Variants in PRKCA observed in about 807,000 individuals in gnomAD.
PRKCA encodes protein kinase C alpha type.
PRKCA carries 27 observed loss-of-function variants against 87.0 expected under a neutral mutation model. The ratio of observed to expected loss-of-function variants is 0.31; its 90% CI spans 0.23 to 0.43. The LOEUF is 0.43. Among genes scored for constraint, PRKCA ranks in the 20% least tolerant of loss-of-function variants. The pLI, the probability that PRKCA is intolerant of heterozygous loss-of-function variation, is 1.00. For synonymous variants in PRKCA, 329 were observed against 311.1 expected, an observed-to-expected ratio of 1.06 and a Z score of -0.61; for missense variants, 518 against 852.3, an observed-to-expected ratio of 0.61 and a Z score of 4.88.
chr17:66,414,669 C>G (rs1567816978), intron 2 of PRKCA, among the ~76,000 whole-genome samples: 1 of 152,006 alleles, frequency 6.6e-6, no homozygotes, highest in Non-Finnish European at 1.5e-5. Flanking sequence ...CCTTTTAGGA[C>G]TTTTGCTACT....
intron 2 of PRKCA, among the ~76,000 whole-genome samples, chr17:66,361,581 G>C (rs769363126): frequency 6.6e-6 from 1 of 152,122 alleles, no homozygotes; most frequent in Non-Finnish European, 1.5e-5. Context: ...AAAATGCTAG[G>C]ATTATAGGTG....
intron 8 of PRKCA, among the ~76,000 whole-genome samples, chr17:66,700,646 A>G (rs948180518): frequency 6.6e-6 from 1 of 152,238 alleles, no homozygotes; most frequent in African/African-American, 2.4e-5. Flanking sequence ...GTGTTTCTCT[A>G]TGCTAACAAT....
At chr17:66,632,020 T>C (rs930264936) in intron 3 of PRKCA, among the ~76,000 whole-genome samples, 2 of 152,162 alleles carry the variant, frequency 1.3e-5, no homozygotes, top group African/African-American at 2.4e-5. Context: ...AGTGCCTTCA[T>C]ATAGACACCT....
intron 2 of PRKCA, among the ~76,000 whole-genome samples, chr17:66,476,961 G>A (rs1368863657): frequency 6.6e-6 from 1 of 152,152 alleles, no homozygotes; most frequent in East Asian, 1.9e-4. Flanking sequence ...CTGCAAGGCT[G>A]GTGATGCTAA....
At chr17:66,706,707 G>C (rs1692735809) in intron 8 of PRKCA, among the ~76,000 whole-genome samples, 1 of 151,848 alleles carries the variant, frequency 6.6e-6, no homozygotes, top group Non-Finnish European at 1.5e-5. Context: ...TGCGAGACAT[G>C]AAAATTTGGT....
intron 2 of PRKCA, among the ~76,000 whole-genome samples, chr17:66,311,281 C>T (rs1054749363): frequency 1.9e-4 from 29 of 152,030 alleles, no homozygotes; most frequent in Admixed American, 1.9e-3. Flanking sequence ...GTCAGTAATG[C>T]CTGAATTACA....
chr17:66,787,548 C>T (rs1975431251), intron 15 of PRKCA, among the ~76,000 whole-genome samples: 1 of 152,208 alleles, frequency 6.6e-6, no homozygotes, highest in Non-Finnish European at 1.5e-5. Flanking sequence ...TTCTTTGCTA[C>T]ACTTTTCTTG....
chr17:66,738,396 A>T (rs1315754494), intron 10 of PRKCA, among the ~76,000 whole-genome samples: 1 of 152,230 alleles, frequency 6.6e-6, no homozygotes, highest in Non-Finnish European at 1.5e-5. Flanking sequence ...CACTAGTTAA[A>T]ATGAAATAAT....
At chr17:66,793,233 G>A (rs1451420906) in intron 16 of PRKCA, among the ~76,000 whole-genome samples, 6 of 152,096 alleles carry the variant, frequency 3.9e-5, no homozygotes, top group Admixed American at 6.5e-5. Context: ...AGTGAGGACC[G>A]TCAGCTCAGT....
At position 66,781,883 on chromosome 17, in the gene PRKCA, ATATAGT is replaced by A. The variant is rs1416502247; in HGVS notation, c.1606-4983_1606-4978del. ...GAGAGAGAGAGATATATATATATAT[ATATAGT>A]GTGTGTGTGTGTGTGTGTGTGTGTG... On this transcript the variant is annotated intron_variant, in intron 14 of 16. Coordinates refer to ENST00000413366, the MANE Select transcript of PRKCA (RefSeq NM_002737.3). Among the ~76,000 whole-genome samples the A allele has an allele frequency of 5.4e-3, 704 of 129,342 alleles. 4 individuals are homozygous for A. Among genetic ancestry groups the A allele is most frequent in the African/African-American group, 0.022 (657 of 30,450 alleles). 84.9% of individuals were successfully genotyped at this position (129,342 alleles called of 152,430 possible).
At chr17:66,729,644 C>T (rs1458528905) in intron 8 of PRKCA, among the ~76,000 whole-genome samples, 1 of 152,194 alleles carries the variant, frequency 6.6e-6, no homozygotes, top group Non-Finnish European at 1.5e-5. Flanking sequence ...CCGTGTTTCA[C>T]ACTTTCAGTC....
intron 5 of PRKCA, among the ~76,000 whole-genome samples, chr17:66,671,434 A>G (rs1027774431): frequency 2.6e-5 from 4 of 152,070 alleles, no homozygotes; most frequent in Admixed American, 2.6e-4. Context: ...TTCCTCGTCT[A>G]TAAAATGTGG....
At chr17:66,334,856 G>A (rs1453365609) in intron 2 of PRKCA, among the ~76,000 whole-genome samples, 2 of 152,166 alleles carry the variant, frequency 1.3e-5, no homozygotes, top group African/African-American at 4.8e-5. Context: ...GCAACCCTGT[G>A]TTTGTCAGTG....
chr17:66,696,115 C>T (rs1972914666), intron 8 of PRKCA, among the ~76,000 whole-genome samples: 1 of 152,200 alleles, frequency 6.6e-6, no homozygotes, highest in Admixed American at 6.5e-5. Context: ...CAAACACCCG[C>T]TGTGTGATGA....
chr17:66,723,606 G>A (rs1973669020), intron 8 of PRKCA, among the ~76,000 whole-genome samples: 1 of 148,896 alleles, frequency 6.7e-6, no homozygotes, highest in Non-Finnish European at 1.5e-5. Flanking sequence ...CCAGCCTGGT[G>A]AACAGAGTGA....
intron 1 of PRKCA, among the ~76,000 whole-genome samples, chr17:66,305,760 T>C (rs1904781681): frequency 6.6e-6 from 1 of 152,222 alleles, no homozygotes; most frequent in South Asian, 2.1e-4. Context: ...ATAAACTGTT[T>C]TGTTACTTGA....
intron 3 of PRKCA, among the ~76,000 whole-genome samples, chr17:66,521,953 A>G (rs556689989): frequency 6.6e-6 from 1 of 152,358 alleles, no homozygotes; most frequent in African/African-American, 2.4e-5. Flanking sequence ...TGAGTGAAGG[A>G]AAGAATTGAG....
intron 5 of PRKCA, among the ~76,000 whole-genome samples, chr17:66,670,778 C>A (rs1253195200): frequency 6.6e-6 from 1 of 151,988 alleles, no homozygotes; most frequent in Non-Finnish European, 1.5e-5. Context: ...AGGAGGATTG[C>A]TTGAGCACAG....
intron 2 of PRKCA, among the ~76,000 whole-genome samples, chr17:66,400,317 A>G (rs2143683212): frequency 6.6e-6 from 1 of 152,204 alleles, no homozygotes; most frequent in South Asian, 2.1e-4. Flanking sequence ...ACGCTCAGCT[A>G]ATTTTTGCAT....
Sources: allele counts gnomAD v4.1 joint callset (sites outside exome capture counted in the v4.1 genomes callset), GRCh38; gene constraint gnomAD v4.1.1; transcripts MANE v1.5; gene names NCBI Gene and HGNC (gene_info 2026-07-23, HGNC 2026-07-21).